HS2ST1: variants seen among roughly 807,000 people sequenced by gnomAD.
The protein encoded by HS2ST1 is heparan sulfate 2-O-sulfotransferase 1, also known as 2-O-sulfotransferase.
HS2ST1 carries 18 observed loss-of-function variants against 42.9 expected under a neutral mutation model. The observed-to-expected ratio is 0.42, with a 90% CI of 0.29 to 0.62. The LOEUF is 0.62. Ranked by LOEUF, HS2ST1 falls within the 20% of genes least tolerant of loss-of-function variation. The pLI, the probability that HS2ST1 is intolerant of heterozygous loss-of-function variation, is 0.21. For missense variants in HS2ST1, 334 were observed against 433.8 expected, an observed-to-expected ratio of 0.77 and a Z score of 2.04; for synonymous variants, 146 against 152.9, an observed-to-expected ratio of 0.95 and a Z score of 0.33.
intron 1 of HS2ST1, among the ~76,000 whole-genome samples, chr1:86,955,280 G>A (rs1647644743): frequency 6.6e-6 from 1 of 152,016 alleles, no homozygotes; most frequent in Non-Finnish European, 1.5e-5. Context: ...CCCAACCCTG[G>A]GGCCACTGAC....
At chr1:86,923,941 C>G (rs1446357295) in intron 1 of HS2ST1, among the ~76,000 whole-genome samples, 4 of 152,180 alleles carry the variant, frequency 2.6e-5, no homozygotes, top group African/African-American at 4.8e-5. Flanking sequence ...CCCCCAAAGT[C>G]TTAACTCATT....
Position 87,036,325 on chromosome 1 carries a change from G to A in HS2ST1, c.125-36609G>A, listed in dbSNP as rs145415972. On this transcript the variant is annotated intron_variant, in intron 1 of 6. Coordinates refer to ENST00000370550, the MANE Select transcript of HS2ST1 (RefSeq NM_012262.4). ...CCGTTGGGTATATACCCAGTAATGG[G>A]ATTGCTGGGTCAAATGGTATTTCTG... Among the ~76,000 whole-genome samples, 596 of 152,310 alleles carry A rather than the reference G, an allele frequency of 3.9e-3. 4 individuals carry two copies. Among genetic ancestry groups the A allele is most frequent in the African/African-American group, 0.014 (573 of 41,556 alleles).
intron 1 of HS2ST1, among the ~76,000 whole-genome samples, chr1:87,009,478 G>A (rs1649535505): frequency 6.6e-6 from 1 of 152,140 alleles, no homozygotes; most frequent in Admixed American, 6.5e-5. Flanking sequence ...TTGAGTAGTT[G>A]CCATAGGTAT....
At chr1:87,042,119 T>G (rs571813958) in intron 1 of HS2ST1, among the ~76,000 whole-genome samples, 4 of 152,188 alleles carry the variant, frequency 2.6e-5, no homozygotes, top group Non-Finnish European at 5.9e-5. Flanking sequence ...TTTGTGTGTC[T>G]TCTTTGGAGA....
intron 1 of HS2ST1, among the ~76,000 whole-genome samples, chr1:86,979,605 A>G (rs1281587528): frequency 2.0e-5 from 3 of 152,204 alleles, no homozygotes; most frequent in African/African-American, 7.2e-5. Context: ...CCATTCATCT[A>G]TTCACGGACA....
intron 1 of HS2ST1, among the ~76,000 whole-genome samples, chr1:86,986,913 A>G (rs942709591): frequency 3.9e-5 from 6 of 152,120 alleles, no homozygotes; most frequent in Non-Finnish European, 8.8e-5. Context: ...ATAGAAAAAT[A>G]ATAACACCAC....
intron 1 of HS2ST1, among the ~76,000 whole-genome samples, chr1:86,924,001 C>G (rs1660359368): frequency 6.6e-6 from 1 of 152,200 alleles, no homozygotes. Flanking sequence ...TGAGACAAGG[C>G]AAGTCCCTTC....
chr1:87,087,874 A>G (rs762126105), intron 3 of HS2ST1, among the ~76,000 whole-genome samples: 1 of 152,100 alleles, frequency 6.6e-6, no homozygotes, highest in Non-Finnish European at 1.5e-5. Flanking sequence ...GTCTGTCTCT[A>G]AAGTCAGACA....
intron 1 of HS2ST1, among the ~76,000 whole-genome samples, chr1:86,963,362 C>T (rs6576857): frequency 0.9 from 137,171 of 152,024 alleles, 62,172 homozygotes; most frequent in East Asian, 0.99. Context: ...GTGATGACTC[C>T]TAAGGAGCAT....
intron 1 of HS2ST1, among the ~76,000 whole-genome samples, chr1:87,057,094 T>A (rs1236470246): frequency 6.6e-6 from 1 of 152,212 alleles, no homozygotes; most frequent in Non-Finnish European, 1.5e-5. Context: ...AGACACTTTA[T>A]AAGATTTGCA....
At chr1:86,918,707 T>A (rs904298630) in intron 1 of HS2ST1, among the ~76,000 whole-genome samples, 6 of 151,876 alleles carry the variant, frequency 4.0e-5, no homozygotes, top group Non-Finnish European at 7.4e-5. Flanking sequence ...TCAAAAGATG[T>A]AGTAATCTAC....
At chr1:87,061,161 T>G (rs755514923) in intron 1 of HS2ST1, among the ~76,000 whole-genome samples, 9 of 152,176 alleles carry the variant, frequency 5.9e-5, no homozygotes, top group Non-Finnish European at 1.3e-4. Context: ...ATGACTAATT[T>G]ATAAACAGTT....
At chr1:87,093,958 G>A (rs1461739274) in intron 4 of HS2ST1, among the ~76,000 whole-genome samples, 1 of 151,806 alleles carries the variant, frequency 6.6e-6, no homozygotes, top group South Asian at 2.1e-4. Flanking sequence ...AACCAAATCT[G>A]TTTTCTTAAA....
chr1:86,982,418 C>T (rs1648621858), intron 1 of HS2ST1, among the ~76,000 whole-genome samples: 1 of 152,226 alleles, frequency 6.6e-6, no homozygotes, highest in Non-Finnish European at 1.5e-5. Flanking sequence ...GCAGATTTTC[C>T]AAACCTTTAG....
intron 1 of HS2ST1, among the ~76,000 whole-genome samples, chr1:87,063,437 A>G (rs771808648): frequency 1.3e-5 from 2 of 152,088 alleles, no homozygotes; most frequent in Non-Finnish European, 2.9e-5. Flanking sequence ...CCCAGGTTCA[A>G]GTGATTCTCC....
intron 1 of HS2ST1, among the ~76,000 whole-genome samples, chr1:87,048,134 C>T (rs1302033568): frequency 6.6e-6 from 1 of 152,024 alleles, no homozygotes. Context: ...TGGTCTTGTA[C>T]ATCTTATTGC....
At chr1:86,958,833 C>A (rs1039020613) in intron 1 of HS2ST1, among the ~76,000 whole-genome samples, 3 of 152,070 alleles carry the variant, frequency 2.0e-5, no homozygotes, top group Non-Finnish European at 4.4e-5. Context: ...ATGTAAAAAT[C>A]CTCAACCGAA....
At chr1:87,071,819 G>A (rs1651419571) in intron 1 of HS2ST1, among the ~76,000 whole-genome samples, 1 of 151,946 alleles carries the variant, frequency 6.6e-6, no homozygotes, top group Admixed American at 6.6e-5. Flanking sequence ...AAGGTTGGGT[G>A]GGGAAATGGA....
At position 87,104,792 on chromosome 1, in the gene HS2ST1, A is replaced by G; in HGVS notation, c.*96A>G. On this transcript the variant is annotated 3_prime_UTR_variant, in exon 7 of 7. Coordinates refer to ENST00000370550, the MANE Select transcript of HS2ST1 (RefSeq NM_012262.4). ...AGTCTGGATTGCTGACAGTAGGTGT[A>G]TATGACAATTTGTATTGAGCCAAAT... The G allele has an allele frequency of 1.4e-6, 1 of 717,264 alleles. No homozygotes were observed. The highest frequency in any genetic ancestry group is 2.4e-6 in the Non-Finnish European group (1 of 423,118). 44.4% of individuals were successfully genotyped at this position (717,264 alleles called of 1,614,324 possible). A position where few individuals can be genotyped will look rare whatever the true frequency, so the allele number is the denominator to read the frequency against.
Sources: gnomAD v4.1 joint callset for allele counts (sites outside exome capture counted in the v4.1 genomes callset) on GRCh38, gnomAD v4.1.1 for gene constraint, MANE v1.5 for transcripts, NCBI Gene and HGNC (gene_info 2026-07-23, HGNC 2026-07-21) for gene names.